MYH15: variants seen among roughly 807,000 people sequenced by gnomAD.
MYH15 encodes myosin-15.
MYH15 carries 227 observed loss-of-function variants against 240.5 expected under a neutral mutation model. That is an observed-to-expected ratio of 0.94 (90% CI 0.85 to 1.05). The LOEUF is 1.05. MYH15 is among the 50% of genes least tolerant of loss of function. The pLI, the probability that MYH15 is intolerant of heterozygous loss-of-function variation, is 0.00. For synonymous variants in MYH15, 785 were observed against 796.7 expected (o/e 0.99, Z 0.25); for missense variants, 2,217 against 2,247.5 (o/e 0.99, Z 0.27).
chr3:108,456,416 G>T (rs1343379596), intron 19 of MYH15, among the ~76,000 whole-genome samples: 2 of 152,106 alleles, frequency 1.3e-5, no homozygotes, highest in East Asian at 3.9e-4. Context: ...CCTTTCAGGG[G>T]CTTGCTAGTA....
At chr3:108,396,597 C>A (rs567276848) in intron 35 of MYH15, among the ~76,000 whole-genome samples, 1 of 152,198 alleles carries the variant, frequency 6.6e-6, no homozygotes, top group South Asian at 2.1e-4. Context: ...GATTGGGAAA[C>A]CTTGTTCTAG....
At chr3:108,423,749 A>C (rs889168654) in intron 27 of MYH15, among the ~76,000 whole-genome samples, 1 of 152,260 alleles carries the variant, frequency 6.6e-6, no homozygotes, top group African/African-American at 2.4e-5. Context: ...ACAGCTATTA[A>C]ATGTCAGAAT....
rs181635643 is a variant in MYH15, at chr3:108,462,774, T to A, written c.1864+337A>T. 4.1e-3 allele frequency among the ~76,000 whole-genome samples: 625 copies of A among 152,194 alleles called. 2 individuals carry two copies. Among genetic ancestry groups the A allele is most frequent in the South Asian group, 7.3e-3 (35 of 4,820 alleles). ...ATTCTAAGATATTTGGGGCAATAAC[T>A]ATAATTATATATATATAGTTATATA... On this transcript the variant is annotated intron_variant, in intron 16 of 40. Coordinates refer to ENST00000693548, the MANE Select transcript of MYH15 (RefSeq NM_014981.3).
chr3:108,488,700 G>GT (rs1170498225), intron 9 of MYH15, among the ~76,000 whole-genome samples: 45 of 152,192 alleles, frequency 3.0e-4, no homozygotes, highest in Non-Finnish European at 5.9e-5. Flanking sequence ...GGACACTTAG[G>GT]TTTTTTCTCT....
At chr3:108,543,055 A>G in the MYH15 span, among the ~76,000 whole-genome samples, 10 of 151,836 alleles carry the variant, frequency 6.6e-5, no homozygotes, top group African/African-American at 2.4e-4. Flanking sequence ...TAATTTTTGT[A>G]TTTTTAGTAG....
chr3:108,451,370 ACT>A (rs2082972466), intron 21 of MYH15, among the ~76,000 whole-genome samples: 1 of 152,078 alleles, frequency 6.6e-6, no homozygotes, highest in African/African-American at 2.4e-5. Flanking sequence ...ATAGAGAGAG[ACT>A]CTGTCTCAAA....
intron 35 of MYH15, among the ~76,000 whole-genome samples, chr3:108,394,791 C>T (rs2082447416): frequency 1.3e-5 from 2 of 152,160 alleles, no homozygotes; most frequent in African/African-American, 4.8e-5. Context: ...GGCCAAATAT[C>T]CTTTTGCTGC....
intron 38 of MYH15, among the ~76,000 whole-genome samples, chr3:108,385,764 G>A (rs1007412544): frequency 6.6e-6 from 1 of 151,792 alleles, no homozygotes; most frequent in Non-Finnish European, 1.5e-5. Flanking sequence ...CAGCTTTAAT[G>A]TTCCCCCTAC....
chr3:108,443,329 A>G (rs1444493569), intron 22 of MYH15, among the ~76,000 whole-genome samples: 1 of 152,232 alleles, frequency 6.6e-6, no homozygotes, highest in Admixed American at 6.5e-5. Context: ...GCATGCTGGT[A>G]GATAATACAG....
At chr3:108,499,279 T>C (rs1042921455) in intron 5 of MYH15, among the ~76,000 whole-genome samples, 176 bp downstream of exon 5, 9 of 152,196 alleles carry the variant, frequency 5.9e-5, no homozygotes, top group Admixed American at 2.0e-4. Flanking sequence ...GAGTCATCAC[T>C]GACTAAAGCA....
chr3:108,414,199 A>G (rs755425239), intron 30 of MYH15, 33 bp downstream of exon 30: 1 of 1,590,920 alleles, frequency 6.3e-7, no homozygotes, highest in Non-Finnish European at 8.6e-7. Flanking sequence ...CATGTGAGTA[A>G]CTCCAGGTTA....
upstream of MYH15, among the ~76,000 whole-genome samples, chr3:108,533,011 G>A (rs1466859331): frequency 1.3e-5 from 2 of 151,972 alleles, no homozygotes; most frequent in Non-Finnish European, 1.5e-5. Flanking sequence ...TTTTCTATGG[G>A]CCAGGGTCCT....
intron 25 of MYH15, among the ~76,000 whole-genome samples, chr3:108,433,599 T>TG (rs1204243434): frequency 6.6e-6 from 1 of 152,148 alleles, no homozygotes; most frequent in East Asian, 1.9e-4. Context: ...AATTGAATCA[T>TG]GGGGGCAAGT....
In MYH15 at chr3:108,498,118, C is replaced by T. The variant is rs201833884; in HGVS notation, c.552G>A (p.Val184=). The T allele has an allele frequency of 1.1e-3, 1,808 of 1,613,996 alleles. No homozygotes were observed. Among genetic ancestry groups the T allele is most frequent in the Middle Eastern group, 1.8e-3 (11 of 6,062 alleles). Residue 184 remains valine, a synonymous_variant, in exon 6 of 41, where the codon GTG becomes GTA. Coordinates refer to ENST00000693548, the MANE Select transcript of MYH15 (RefSeq NM_014981.3). The part of the protein sequence containing the change: ...FTGESGAGKT[V]NSKHIIQYFA... ...AATACTGGATAATATGTTTGCTGTTCACAGTCTTTCCAGCACCAGATTCTC... is the reference window on the plus strand; with the variant it reads ...AATACTGGATAATATGTTTGCTGTTTACAGTCTTTCCAGCACCAGATTCTC...
chr3:108,500,294 G>A lies in MYH15; in HGVS notation c.340-20C>T. 1 of 1,590,850 alleles carries A rather than the reference G, an allele frequency of 6.3e-7. No individual in the cohort carries two copies. The highest frequency in any genetic ancestry group is 8.6e-7 in the Non-Finnish European group (1 of 1,169,200). The stretch of plus-strand genomic sequence containing the variant: ...ATATGTCTGAGGGAAAATCAGAAAA[G>A]ATTTCAGAAACTAGATTAGAAATAC... On this transcript the variant is annotated intron_variant, in intron 3 of 40. Coordinates refer to ENST00000693548, the MANE Select transcript of MYH15 (RefSeq NM_014981.3).
intron 35 of MYH15, among the ~76,000 whole-genome samples, chr3:108,397,366 C>T (rs867980050): frequency 1.3e-5 from 2 of 152,334 alleles, no homozygotes; most frequent in Middle Eastern, 3.4e-3. Context: ...TTCCTCTCTA[C>T]CTGGCTGGCT....
At chr3:108,422,962 G>T (rs2082694932) in intron 27 of MYH15, among the ~76,000 whole-genome samples, 1 of 152,170 alleles carries the variant, frequency 6.6e-6, no homozygotes, top group Non-Finnish European at 1.5e-5. Flanking sequence ...CTATGTTGCA[G>T]GACTTTTCCT....
intron 2 of MYH15, among the ~76,000 whole-genome samples, chr3:108,504,970 T>A (rs527576652): frequency 1.4e-4 from 22 of 152,304 alleles, no homozygotes; most frequent in African/African-American, 5.3e-4. Flanking sequence ...CTCTTAATCT[T>A]CTTCTGTGGC....
upstream of MYH15, among the ~76,000 whole-genome samples, chr3:108,511,622 C>CA (rs199725130): frequency 5.7e-3 from 873 of 152,080 alleles, 1 homozygote; most frequent in Middle Eastern, 0.017. Context: ...TCTATTTGGA[C>CA]AAAAAAAGTC....
Sources: gnomAD v4.1 joint callset for allele counts (sites outside exome capture counted in the v4.1 genomes callset) on GRCh38, gnomAD v4.1.1 for gene constraint, MANE v1.5 for transcripts, NCBI Gene and HGNC (gene_info 2026-07-23, HGNC 2026-07-21) for gene names.